The following TLK1 variants were observed in gnomAD, a reference collection of about 807,000 sequenced individuals.
TLK1 encodes tousled like kinase 1.
Under a neutral mutation model 105.3 loss-of-function variants are expected in TLK1, and 24 were observed. The observed-to-expected ratio is 0.23, with a 90% CI of 0.17 to 0.32. TLK1 has a LOEUF of 0.32. Among genes scored for constraint, TLK1 ranks in the 10% least tolerant of loss-of-function variants. TLK1 has a pLI of 1.00. For synonymous variants in TLK1, 321 were observed against 310.4 expected (o/e 1.03, Z -0.36); for missense variants, 558 against 910.5 (o/e 0.61, Z 4.98).
chr2:171,191,203 CT>C (rs1693141438), intron 1 of TLK1, among the ~76,000 whole-genome samples: 1 of 151,982 alleles, frequency 6.6e-6, no homozygotes, highest in African/African-American at 2.4e-5. Context: ...CAAGTTCCCC[CT>C]AACTCCAAAT....
intron 1 of TLK1, among the ~76,000 whole-genome samples, chr2:171,141,831 T>C (rs1691587343): frequency 6.6e-6 from 1 of 151,256 alleles, no homozygotes; most frequent in African/African-American, 2.4e-5. Flanking sequence ...AAAAAGAGTA[T>C]TTTCAGAGAG....
At chr2:171,206,514 G>A (rs191609089) in intron 1 of TLK1, among the ~76,000 whole-genome samples, 102 of 152,160 alleles carry the variant, frequency 6.7e-4, no homozygotes, top group Non-Finnish European at 3.4e-4. Flanking sequence ...ACCTTTAAGG[G>A]GCCTATCACT....
intron 4 of TLK1, 119 bp from the exon 5 acceptor site, chr2:171,058,316 T>C (rs1687596170): frequency 2.2e-6 from 2 of 891,318 alleles, no homozygotes; most frequent in Non-Finnish European, 3.6e-6. Context: ...GACATTTCAA[T>C]AGAGACATGC....
chr2:171,195,474 G>GC lies in TLK1; in HGVS notation c.-6+35670dup, dbSNP rs1269581073. ...GCCCAGATGGCGCCACTGCACTCCA[G>GC]CTAGGTGACAGAGCAAGACTCTGTC... On this transcript the variant is annotated intron_variant, in intron 1 of 20. Coordinates refer to the TLK1 transcript ENST00000521943. Among the ~76,000 whole-genome samples the GC allele has an allele frequency of 1.2e-4, 16 of 133,556 alleles. No individual in the cohort carries two copies. The East Asian group carries it at 2.0e-3, about 16-fold the overall frequency. The allele number at this position is 133,556 out of a possible 152,430, so 87.6% of individuals were successfully genotyped here.
intron 1 of TLK1, among the ~76,000 whole-genome samples, chr2:171,202,061 G>A (rs1693413850): frequency 6.6e-6 from 1 of 152,166 alleles, no homozygotes. Flanking sequence ...TGTTTATTGA[G>A]TTCTTACTAT....
In TLK1 at chr2:171,215,418, G is replaced by T. The variant is rs193177712; in HGVS notation, c.-6+15727C>A. ...AGTTGTGATGCTCTTTTTCCTCAGC[G>T]ATCTGAGGGAATCAAGTCTGCATTC... On this transcript the variant is annotated intron_variant, in intron 1 of 20. Transcript: ENST00000521943. Among the ~76,000 whole-genome samples, 770 of 146,260 alleles carry T rather than the reference G, an allele frequency of 5.3e-3. 3 individuals are homozygous for T. Among genetic ancestry groups the T allele is most frequent in the African/African-American group, 0.019 (734 of 39,480 alleles).
At chr2:171,220,514 C>T (rs1434847711) in intron 1 of TLK1, among the ~76,000 whole-genome samples, 1 of 152,178 alleles carries the variant, frequency 6.6e-6, no homozygotes, top group Non-Finnish European at 1.5e-5. Flanking sequence ...TGTGGGGACA[C>T]TCAAGCAGCC....
chr2:171,103,264 T>TTATATA (rs571890429), intron 2 of TLK1, among the ~76,000 whole-genome samples: 2,067 of 136,506 alleles, frequency 0.015, 148 homozygotes, highest in African/African-American at 0.059. Flanking sequence ...GATCTCAAAT[T>TTATATA]TATATATATA....
chr2:171,016,507 T>C lies in TLK1; in HGVS notation c.1237-1559A>G, dbSNP rs144035359. ...TTGGCCTAATGTGTACCCACTAGAA[T>C]TATAAATCTAGACCACGTGGAACAG... On this transcript the variant is annotated intron_variant, in intron 12 of 20. Coordinates refer to ENST00000431350, the MANE Select transcript of TLK1 (RefSeq NM_012290.5). Among the ~76,000 whole-genome samples, 515 of 152,328 alleles carry C rather than the reference T, an allele frequency of 3.4e-3. 7 individuals are homozygous for C. Among genetic ancestry groups the C allele is most frequent in the African/African-American group, 0.012 (487 of 41,568 alleles).
At chr2:171,189,215 A>G (rs1302391251) in intron 1 of TLK1, among the ~76,000 whole-genome samples, 1 of 147,756 alleles carries the variant, frequency 6.8e-6, no homozygotes, top group Non-Finnish European at 1.5e-5. Flanking sequence ...CGCCCAGACT[A>G]GAGTGCAATG....
At chr2:171,119,973 G>A (rs1212189229) in intron 1 of TLK1, among the ~76,000 whole-genome samples, 1 of 152,166 alleles carries the variant, frequency 6.6e-6, no homozygotes, top group Non-Finnish European at 1.5e-5. Context: ...AGGGCCAGGT[G>A]CAGTGGCTCA....
chr2:171,049,204 A>T (rs1687109801), intron 10 of TLK1, among the ~76,000 whole-genome samples: 1 of 152,164 alleles, frequency 6.6e-6, no homozygotes, highest in African/African-American at 2.4e-5. Flanking sequence ...GGTGGGTTCA[A>T]TTGTACCCCG....
chr2:171,091,715 T>TTTG (rs71399599), intron 2 of TLK1: 3,362 of 148,348 alleles, frequency 0.023, 53 homozygotes, highest in African/African-American at 0.032. Context: ...GGGGGGTGTC[T>TTTG]TTGTTGTTGT....
Position 170,992,806 on chromosome 2 carries a change from A to T in TLK1, c.*974T>A, listed in dbSNP as rs530861825. The stretch of plus-strand genomic sequence containing the variant: ...TTCAAGAAGACTTAAAAAAAATACA[A>T]TATCCAATTAGAAAAGCCATATTTT... On this transcript the variant is annotated 3_prime_UTR_variant, in exon 21 of 21. Coordinates refer to ENST00000431350, the MANE Select transcript of TLK1 (RefSeq NM_012290.5). 6.6e-6 allele frequency: 1 copy of T among 152,634 alleles called. No homozygotes were observed. The highest frequency in any genetic ancestry group is 2.1e-4 in the South Asian group (1 of 4,834). The allele number at this position is 152,634 out of a possible 1,614,324, so 9.5% of individuals were successfully genotyped here.
chr2:170,998,921 A>G (rs1190889658), intron 18 of TLK1, among the ~76,000 whole-genome samples: 1 of 152,138 alleles, frequency 6.6e-6, no homozygotes, highest in Non-Finnish European at 1.5e-5. Flanking sequence ...GACGTGCACC[A>G]GCACACCCAG....
At chr2:171,133,657 T>C (rs1221675293) in intron 1 of TLK1, among the ~76,000 whole-genome samples, 1 of 152,006 alleles carries the variant, frequency 6.6e-6, no homozygotes, top group East Asian at 1.9e-4. Flanking sequence ...TTTCTGGCTT[T>C]AGACACTGAT....
chr2:171,029,973 T>C (rs1575530948), intron 11 of TLK1, among the ~76,000 whole-genome samples: 1 of 152,316 alleles, frequency 6.6e-6, no homozygotes, highest in East Asian at 1.9e-4. Flanking sequence ...CTTGAATGCC[T>C]GGCTTCAAGT....
At chr2:171,060,924 A>G (rs925693910) in intron 4 of TLK1, among the ~76,000 whole-genome samples, 157 bp downstream of exon 4, 5 of 152,222 alleles carry the variant, frequency 3.3e-5, no homozygotes, top group Non-Finnish European at 7.3e-5. Flanking sequence ...GGCAACATTG[A>G]AAAGCCTAAA....
At chr2:171,181,822 G>T (rs564471194) in intron 1 of TLK1, among the ~76,000 whole-genome samples, 3 of 152,014 alleles carry the variant, frequency 2.0e-5, no homozygotes, top group African/African-American at 7.3e-5. Context: ...TGTGAGATTC[G>T]AAGGGGTAGA....
Sources: gnomAD v4.1 joint callset for allele counts (sites outside exome capture counted in the v4.1 genomes callset) on GRCh38, gnomAD v4.1.1 for gene constraint, MANE v1.5 for transcripts, NCBI Gene and HGNC (gene_info 2026-07-23, HGNC 2026-07-21) for gene names.